NUDCD3: variants seen among roughly 807,000 people sequenced by gnomAD.
The protein encoded by NUDCD3 is nudC domain-containing protein 3.
A neutral mutation model predicts 39.7 loss-of-function variants in NUDCD3; 13 were observed. The observed-to-expected ratio is 0.33, with a 90% confidence interval of 0.21 to 0.52. NUDCD3 has a LOEUF of 0.52. Among genes scored for constraint, NUDCD3 ranks in the 20% least tolerant of loss-of-function variants. The probability of loss-of-function intolerance (pLI) is 0.96; values close to 1 mark genes in which losing one functional copy is unlikely to be tolerated. For synonymous variants in NUDCD3, 175 were observed against 172.4 expected (o/e 1.02, Z -0.12); for missense variants, 453 against 458.1 (o/e 0.99, Z 0.10).
intron 3 of NUDCD3, among the ~76,000 whole-genome samples, chr7:44,419,848 A>G (rs1799105193): frequency 6.6e-6 from 1 of 152,252 alleles, no homozygotes; most frequent in Non-Finnish European, 1.5e-5. Context: ...AAAGGTCATC[A>G]GCCTCAAAGA....
chr7:44,441,836 C>G (rs1418024677), intron 2 of NUDCD3, among the ~76,000 whole-genome samples: 1 of 152,162 alleles, frequency 6.6e-6, no homozygotes, highest in Non-Finnish European at 1.5e-5. Flanking sequence ...CTGGGAGGAG[C>G]TGGACATTCA....
chr7:44,385,854 T>C lies in NUDCD3; in HGVS notation c.*157A>G. ...CACCTTCTCTGGAACAGTCTGGAGA[T>C]GCAAGGTCAGGGTGGAAGGCCTGGT... On this transcript the variant is annotated 3_prime_UTR_variant, in exon 6 of 6. Coordinates refer to ENST00000355451, the MANE Select transcript of NUDCD3 (RefSeq NM_015332.4). 10 of 609,108 alleles carry C rather than the reference T, an allele frequency of 1.6e-5. No homozygotes were observed. The South Asian group carries it at 2.0e-4, about 12-fold the overall frequency. The allele number at this position is 609,108 out of a possible 1,614,324, so 37.7% of individuals were successfully genotyped here. A position where few individuals can be genotyped will look rare whatever the true frequency, so the allele number is the denominator to read the frequency against.
In NUDCD3 at chr7:44,485,101, C is replaced by T. The variant is rs1405491166; in HGVS notation, c.376G>A (p.Gly126Arg). ...TGCACTTTCTCTACTTCCTGATGCC[C>T]ATCCAATTCTGTGGTGGAGTCAATC... ...IEIDSTTELDGHQEVEKVQPP... is the reference protein window; with the variant it reads ...IEIDSTTELDRHQEVEKVQPP... Residue 126 changes from glycine to arginine, a missense_variant, in exon 2 of 6, where the codon GGG becomes AGG. Coordinates refer to ENST00000355451, the MANE Select transcript of NUDCD3 (RefSeq NM_015332.4). 5 of 1,614,068 alleles carry T rather than the reference C, an allele frequency of 3.1e-6. No individual in the cohort carries two copies. Among genetic ancestry groups the T allele is most frequent in the East Asian group, 2.2e-5 (1 of 44,890 alleles).
intron 2 of NUDCD3, chr7:44,467,855 G>A (rs184083555): frequency 0.018 from 24,612 of 1,396,180 alleles, 274 homozygotes; most frequent in Non-Finnish European, 0.021. Flanking sequence ...TCTCTTCCTC[G>A]GCGCTGCCTA....
chr7:44,465,886 G>C (rs768929922), intron 2 of NUDCD3, among the ~76,000 whole-genome samples: 1 of 152,180 alleles, frequency 6.6e-6, no homozygotes, highest in Non-Finnish European at 1.5e-5. Context: ...AAAATAGGAA[G>C]TTCCAGGGTA....
intron 3 of NUDCD3, among the ~76,000 whole-genome samples, chr7:44,421,030 C>A (rs1423235729): frequency 1.3e-5 from 2 of 152,084 alleles, no homozygotes; most frequent in Non-Finnish European, 2.9e-5. Context: ...GGGCTAAATG[C>A]CCCAATTAAA....
rs1800723256 is a variant in NUDCD3, at chr7:44,490,634, C to G, written c.-34G>C. ...CCGCCCTAGGTACGCTTCACACACA[C>G]AGCGCCGCCTCAGACCTGCCGACTG... On this transcript the variant is annotated 5_prime_UTR_variant, in exon 1 of 6. Coordinates refer to ENST00000355451, the MANE Select transcript of NUDCD3 (RefSeq NM_015332.4). 6.4e-7 allele frequency: 1 copy of G among 1,563,176 alleles called. No individual in the cohort carries two copies. The highest frequency in any genetic ancestry group is 8.7e-7 in the Non-Finnish European group (1 of 1,155,644).
chr7:44,442,546 A>AG (rs1208221478), intron 2 of NUDCD3, among the ~76,000 whole-genome samples: 1 of 152,144 alleles, frequency 6.6e-6, no homozygotes, highest in African/African-American at 2.4e-5. Flanking sequence ...TGAAGATGGG[A>AG]GGGGACAAGT....
rs1199326490 is a variant in NUDCD3 at position 44,396,391 on chromosome 7, AT to A, written c.787-3907del. On this transcript the variant is annotated intron_variant, in intron 4 of 5. Coordinates refer to ENST00000355451, the MANE Select transcript of NUDCD3 (RefSeq NM_015332.4). ...TTTATTTATTTAGTACCCTTAGAATATCTTCTATTTTTAAGGATGAGCATAT... is the reference window on the plus strand; with the variant it reads ...TTTATTTATTTAGTACCCTTAGAATACTTCTATTTTTAAGGATGAGCATAT... Among the ~76,000 whole-genome samples, 8 of 152,316 alleles carry A rather than the reference AT, an allele frequency of 5.3e-5. No individual in the cohort carries two copies. In the East Asian group the frequency reaches 1.5e-3, roughly 29 times the overall value.
intron 4 of NUDCD3, among the ~76,000 whole-genome samples, chr7:44,401,908 TA>T (rs558578174): frequency 9.5e-4 from 144 of 152,338 alleles, no homozygotes; most frequent in African/African-American, 3.3e-3. Context: ...GCTATCCTCT[TA>T]AGGCACAGCT....
At chr7:44,472,511 T>A (rs1585103022) in intron 2 of NUDCD3, among the ~76,000 whole-genome samples, 1 of 152,212 alleles carries the variant, frequency 6.6e-6, no homozygotes, top group Non-Finnish European at 1.5e-5. Context: ...GTATTCTCAA[T>A]GAATATTTCA....
chr7:44,471,108 C>T (rs1003091138), intron 2 of NUDCD3, among the ~76,000 whole-genome samples: 1 of 152,164 alleles, frequency 6.6e-6, no homozygotes, highest in African/African-American at 2.4e-5. Flanking sequence ...TGGTACCCAA[C>T]AAGTAGATAT....
chr7:44,412,938 AAAAAG>A (rs1798957284), intron 3 of NUDCD3, among the ~76,000 whole-genome samples: 1 of 145,936 alleles, frequency 6.9e-6, no homozygotes, highest in African/African-American at 2.6e-5. Flanking sequence ...AAAAAAAAAA[AAAAAG>A]AAAAAAAAAA....
intron 2 of NUDCD3, among the ~76,000 whole-genome samples, chr7:44,445,935 C>T (rs1048633038): frequency 1.3e-5 from 2 of 152,220 alleles, no homozygotes; most frequent in African/African-American, 2.4e-5. Context: ...GTTGGTGATA[C>T]AACCTTGTGT....
intron 3 of NUDCD3, among the ~76,000 whole-genome samples, chr7:44,422,838 C>A (rs1369875551): frequency 6.6e-6 from 1 of 152,020 alleles, no homozygotes; most frequent in Non-Finnish European, 1.5e-5. Context: ...AGAGACACAA[C>A]AAAAAAAGAA....
chr7:44,469,065 GA>G (rs1249612692), intron 2 of NUDCD3, among the ~76,000 whole-genome samples: 1 of 104,846 alleles, frequency 9.5e-6, no homozygotes, highest in Non-Finnish European at 1.9e-5. Context: ...AACCAGAATA[GA>G]GACAATCAAA....
chr7:44,485,308 A>C (rs747952086), intron 1 of NUDCD3, 24 bp from the exon 2 acceptor site: 1 of 1,570,900 alleles, frequency 6.4e-7, no homozygotes. Flanking sequence ...CCAATCCAGC[A>C]ATCAGTTCAT....
Position 44,462,985 on chromosome 7 carries a change from GTGTGTA to G in NUDCD3, c.509+21977_509+21982del, listed in dbSNP as rs767049145. 3.6e-3 allele frequency among the ~76,000 whole-genome samples: 432 copies of G among 118,390 alleles called. 1 individual carries two copies. The highest frequency in any genetic ancestry group is 0.011 in the African/African-American group (334 of 29,798). The allele number at this position is 118,390 out of a possible 152,430, so 77.7% of individuals were successfully genotyped here. A position where few individuals can be genotyped will look rare whatever the true frequency, so the allele number is the denominator to read the frequency against. ...TGTGTGTGTGTGTGTGTGTGTGTGT[GTGTGTA>G]TACACAAAGATACAAAAGATTTATA... On this transcript the variant is annotated intron_variant, in intron 2 of 5. Transcript: ENST00000355451.
At chr7:44,420,569 C>T (rs1430146261) in intron 3 of NUDCD3, among the ~76,000 whole-genome samples, 1 of 151,856 alleles carries the variant, frequency 6.6e-6, no homozygotes, top group African/African-American at 2.4e-5. Flanking sequence ...AAGGTTGAAA[C>T]GAAGGAAAAA....
Sources: gnomAD v4.1 joint callset for allele counts (sites outside exome capture counted in the v4.1 genomes callset) on GRCh38, gnomAD v4.1.1 for gene constraint, MANE v1.5 for transcripts, NCBI Gene and HGNC (gene_info 2026-07-23, HGNC 2026-07-21) for gene names.